CACNA1E: variants seen among roughly 807,000 people sequenced by gnomAD.
The protein encoded by CACNA1E is voltage-dependent R-type calcium channel subunit alpha-1E.
In CACNA1E, 40 loss-of-function variants were observed where a neutral mutation model predicts 259.2. The observed-to-expected ratio is 0.15, with a 90% CI of 0.12 to 0.20. The LOEUF is 0.20. CACNA1E is among the 10% of genes least tolerant of loss of function. The pLI, the probability that CACNA1E is intolerant of heterozygous loss-of-function variation, is 1.00. For synonymous variants in CACNA1E, 1,104 were observed against 1,138.5 expected (o/e 0.97, Z 0.61); for missense variants, 1,874 against 3,040.1 (o/e 0.62, Z 9.02).
chr1:181,590,385 G>A (rs1378225366), intron 6 of CACNA1E, among the ~76,000 whole-genome samples: 8 of 130,074 alleles, frequency 6.2e-5, no homozygotes, highest in Non-Finnish European at 7.8e-5. Flanking sequence ...AGGCAGCAGA[G>A]TAGTGGAGTC....
At chr1:181,599,700 C>A (rs973978420) in intron 6 of CACNA1E, among the ~76,000 whole-genome samples, 5 of 152,144 alleles carry the variant, frequency 3.3e-5, no homozygotes, top group African/African-American at 1.2e-4. Context: ...AGTAAAAAAT[C>A]TGGTGATTTA....
At chr1:181,726,188 TC>T in intron 18 of CACNA1E, 26 bp downstream of exon 18, 3 of 1,519,322 alleles carry the variant, frequency 2.0e-6, no homozygotes, top group Admixed American at 1.7e-5. Flanking sequence ...CCTTCACTGA[TC>T]CCTGAGCTCC....
rs1435764695 is a variant in CACNA1E at position 181,795,020 on chromosome 1, G to C, written c.6184G>C (p.Ala2062Pro). The change falls in exon 46 of 48, where the codon GCC (alanine) becomes CCC (proline). Residue 2062 changes from alanine (A) to proline (P), a missense_variant. Transcript: ENST00000367573. ...TTACCACTCCTCCTTGCGGCTGTCA[G>C]CCCACCGCCTGAACTCTGATTCAGG... is the stretch of plus-strand genomic sequence containing the variant. ...RSYHSSLRLS[A>P]HRLNSDSGHK... 6.2e-7 allele frequency: 1 copy of C among 1,613,768 alleles called. No individual in the cohort carries two copies. The highest frequency in any genetic ancestry group is 1.3e-5 in the African/African-American group (1 of 74,916).
intron 6 of CACNA1E, among the ~76,000 whole-genome samples, chr1:181,610,209 C>G (rs970695734): frequency 2.6e-5 from 4 of 152,196 alleles, no homozygotes; most frequent in Non-Finnish European, 5.9e-5. Context: ...GTAGACTGGG[C>G]ATACTTCCTG....
At chr1:181,337,524 T>C (rs1651806623) in intron 1 of CACNA1E, among the ~76,000 whole-genome samples, 1 of 152,190 alleles carries the variant, frequency 6.6e-6, no homozygotes, top group African/African-American at 2.4e-5. Flanking sequence ...TCCACTTTTC[T>C]TCCTCCTTCC....
intron 34 of CACNA1E, among the ~76,000 whole-genome samples, chr1:181,764,597 C>T (rs538357728): frequency 3.3e-5 from 5 of 152,156 alleles, no homozygotes; most frequent in Non-Finnish European, 4.4e-5. Flanking sequence ...CTCCTAGGAG[C>T]GACCTTGACA....
intron 2 of CACNA1E, among the ~76,000 whole-genome samples, chr1:181,426,845 A>C (rs1426063414): frequency 5.6e-4 from 36 of 64,278 alleles, no homozygotes; most frequent in Middle Eastern, 0.017. Context: ...AAACCCCTTC[A>C]CATGTCAACC....
intron 3 of CACNA1E, among the ~76,000 whole-genome samples, chr1:181,546,030 G>T (rs890509026): frequency 6.6e-6 from 1 of 152,082 alleles, no homozygotes; most frequent in Non-Finnish European, 1.5e-5. Context: ...GCAGGAGAGC[G>T]GGATGACTGG....
intron 2 of CACNA1E, among the ~76,000 whole-genome samples, chr1:181,419,410 C>T (rs1658545659): frequency 6.6e-6 from 1 of 152,168 alleles, no homozygotes; most frequent in Non-Finnish European, 1.5e-5. Context: ...CAGGATGGCT[C>T]CTCTCTCATT....
At chr1:181,616,231 G>A (rs76856191) in intron 6 of CACNA1E, among the ~76,000 whole-genome samples, 4,432 of 152,198 alleles carry the variant, frequency 0.029, 97 homozygotes, top group Non-Finnish European at 0.047. Context: ...TAGATATGCT[G>A]TCTTTTTCTA....
At chr1:181,501,837 C>T (rs2102567961) in intron 1 of CACNA1E, among the ~76,000 whole-genome samples, 1 of 152,240 alleles carries the variant, frequency 6.6e-6, no homozygotes, top group African/African-American at 2.4e-5. Flanking sequence ...GGTTGCATCC[C>T]ACCACCATGG....
At chr1:181,693,474 A>C (rs1651404641) in intron 7 of CACNA1E, among the ~76,000 whole-genome samples, 1 of 152,216 alleles carries the variant, frequency 6.6e-6, no homozygotes, top group Non-Finnish European at 1.5e-5. Context: ...CTATATATCC[A>C]TAAAAAGGAA....
At chr1:181,772,760 T>C (rs1008849340) in intron 37 of CACNA1E, among the ~76,000 whole-genome samples, 7 of 152,220 alleles carry the variant, frequency 4.6e-5, no homozygotes, top group Admixed American at 3.3e-4. Context: ...TGTAATGTTA[T>C]TACATTTGAT....
chr1:181,345,521 T>TG (rs1652522880), intron 1 of CACNA1E, among the ~76,000 whole-genome samples: 1 of 152,140 alleles, frequency 6.6e-6, no homozygotes, highest in Non-Finnish European at 1.5e-5. Flanking sequence ...CAGGGTCTGC[T>TG]GGCTTTGGGT....
chr1:181,558,690 C>T lies in CACNA1E; in HGVS notation c.513-19076C>T, dbSNP rs540517889. Among the ~76,000 whole-genome samples, 330 of 152,258 alleles carry T rather than the reference C, an allele frequency of 2.2e-3. 1 individual carries two copies. Among genetic ancestry groups the T allele is most frequent in the Non-Finnish European group, 4.1e-3 (280 of 68,012 alleles). On this transcript the variant is annotated intron_variant, in intron 3 of 47. Coordinates refer to ENST00000367573, the MANE Select transcript of CACNA1E (RefSeq NM_001205293.3). The stretch of plus-strand genomic sequence containing the variant: ...AGACAAGGTGGAAGACAGATCATGA[C>T]ATTATTCTAAAGTCAGCATGGAAGG...
chr1:181,552,940 C>T (rs1648331734), intron 3 of CACNA1E, among the ~76,000 whole-genome samples: 1 of 152,158 alleles, frequency 6.6e-6, no homozygotes, highest in Non-Finnish European at 1.5e-5. Context: ...CATGATGCCT[C>T]CAGCTTTGTT....
At chr1:181,709,640 A>ATT (rs5779111) in intron 7 of CACNA1E, among the ~76,000 whole-genome samples, 14 of 151,268 alleles carry the variant, frequency 9.3e-5, no homozygotes, top group Admixed American at 5.3e-4. Context: ...CTGCAGCTCT[A>ATT]TTTTTTTTTA....
chr1:181,368,019 C>A (rs1403284963), intron 1 of CACNA1E, among the ~76,000 whole-genome samples: 3 of 151,960 alleles, frequency 2.0e-5, no homozygotes, highest in Non-Finnish European at 4.4e-5. Context: ...TCACTTGAGG[C>A]CAGGAGTTCG....
chr1:181,439,455 C>T (rs61812697), intron 2 of CACNA1E, among the ~76,000 whole-genome samples: 8,211 of 151,774 alleles, frequency 0.054, 321 homozygotes, highest in African/African-American at 0.11. Context: ...CAAATTGCTC[C>T]GAGTTGCTTG....
Sources: allele counts gnomAD v4.1 joint callset (sites outside exome capture counted in the v4.1 genomes callset), GRCh38; gene constraint gnomAD v4.1.1; transcripts MANE v1.5; gene names NCBI Gene and HGNC (gene_info 2026-07-23, HGNC 2026-07-21).